The following GABRG3 variants were observed in gnomAD, a reference collection of about 807,000 sequenced individuals.
GABRG3 encodes the protein gamma-aminobutyric acid type A receptor subunit gamma3, also known as gamma-aminobutyric acid receptor subunit gamma-3.
Under a neutral mutation model 48.8 loss-of-function variants are expected in GABRG3, and 25 were observed. That is an observed-to-expected ratio of 0.51 (90% CI 0.37 to 0.72). The LOEUF is 0.72. Ranked by LOEUF, GABRG3 falls within the 30% of genes least tolerant of loss-of-function variation. The pLI is 0.00. For synonymous variants in GABRG3, 227 were observed against 217.6 expected (o/e 1.04, Z -0.38); for missense variants, 394 against 577.9 (o/e 0.68, Z 3.26).
At chr15:27,487,023 T>G (rs1340901422) in intron 6 of GABRG3, among the ~76,000 whole-genome samples, 1 of 152,220 alleles carries the variant, frequency 6.6e-6, no homozygotes, top group East Asian at 1.9e-4. Flanking sequence ...GTCATATTTT[T>G]CTGAATGCAA....
intron 5 of GABRG3, among the ~76,000 whole-genome samples, chr15:27,389,259 G>C (rs72705710): frequency 0.046 from 7,023 of 152,286 alleles, 265 homozygotes; most frequent in East Asian, 0.17. Context: ...TAAACTATGA[G>C]ATTAGCAGAA....
At position 27,199,651 on chromosome 15, in the gene GABRG3, G is replaced by A. The variant is rs142561629; in HGVS notation, c.271-127158G>A. On this transcript the variant is annotated intron_variant, in intron 3 of 9. Transcript: ENST00000615808. ...CTCTTGCTCCCTCTCGCCAGCTGAT[G>A]TGCCTGCTCCCCCTTCCTTTCCACC... is the stretch of plus-strand genomic sequence containing the variant. Among the ~76,000 whole-genome samples the A allele has an allele frequency of 2.3e-3, 354 of 152,204 alleles. 1 individual carries two copies. The highest frequency in any genetic ancestry group is 7.8e-3 in the African/African-American group (324 of 41,526).
At chr15:27,350,388 C>T in intron 5 of GABRG3, 1 of 314,674 alleles carries the variant, frequency 3.2e-6, no homozygotes, top group Non-Finnish European at 6.4e-6. Flanking sequence ...ATTAAAAGTT[C>T]AAAATCAACT....
chr15:27,088,736 G>A (rs937012412), intron 3 of GABRG3, among the ~76,000 whole-genome samples: 1 of 152,128 alleles, frequency 6.6e-6, no homozygotes, highest in African/African-American at 2.4e-5. Flanking sequence ...GCAGCATGGG[G>A]GAAACCGTCC....
At chr15:27,170,008 G>A (rs996845085) in intron 3 of GABRG3, among the ~76,000 whole-genome samples, 1 of 152,280 alleles carries the variant, frequency 6.6e-6, no homozygotes, top group Admixed American at 6.5e-5. Flanking sequence ...GTCAGATAAA[G>A]CTATTTTATG....
intron 3 of GABRG3, among the ~76,000 whole-genome samples, chr15:27,167,668 T>C (rs7165014): frequency 0.027 from 4,043 of 152,264 alleles, 210 homozygotes; most frequent in African/African-American, 0.094. Context: ...AAACAGCTGC[T>C]CCTCCTCTGA....
In GABRG3 at chr15:26,974,509, G is replaced by T. The variant is rs77939757; in HGVS notation, c.54-2493G>T. Among the ~76,000 whole-genome samples the T allele has an allele frequency of 1.3e-5, 2 of 152,030 alleles. No individual in the cohort carries two copies. Among genetic ancestry groups the T allele is most frequent in the African/African-American group, 4.8e-5 (2 of 41,404 alleles). ...GCTCTGTAGTGGTGGGGGTAGGAGA[G>T]GGGAGGAGAACGGGAGGGGAGGGGA... is the stretch of plus-strand genomic sequence containing the variant. On this transcript the variant is annotated intron_variant, in intron 1 of 9. Transcript: ENST00000615808. The surrounding 1 kb of genome is among the most constrained non-coding windows in gnomAD (Gnocchi z 4.3).
chr15:27,281,045 A>C (rs1460049742), intron 3 of GABRG3, among the ~76,000 whole-genome samples: 1 of 152,140 alleles, frequency 6.6e-6, no homozygotes, highest in Non-Finnish European at 1.5e-5. Context: ...TCTTCTGGAT[A>C]GTTTGACTAT....
intron 5 of GABRG3, among the ~76,000 whole-genome samples, chr15:27,420,392 G>A (rs1241289017): frequency 6.6e-6 from 1 of 152,180 alleles, no homozygotes; most frequent in Non-Finnish European, 1.5e-5. Context: ...TGAACTTGGG[G>A]TATGAAAGAA....
chr15:27,387,294 G>A (rs1056935734), intron 5 of GABRG3, among the ~76,000 whole-genome samples: 1 of 151,164 alleles, frequency 6.6e-6, no homozygotes, highest in African/African-American at 2.4e-5. Context: ...ATTGTATTCT[G>A]GACATTTTGA....
At chr15:27,080,916 A>G (rs67535148) in intron 3 of GABRG3, among the ~76,000 whole-genome samples, 31,001 of 152,160 alleles carry the variant, frequency 0.2, 3,308 homozygotes, top group Middle Eastern at 0.26. Context: ...TAACCACCAT[A>G]GAAACCAGGC....
chr15:27,016,607 G>T lies in GABRG3; in HGVS notation c.203-10147G>T, dbSNP rs1018972079. Among the ~76,000 whole-genome samples the T allele has an allele frequency of 2.0e-5, 3 of 150,548 alleles. No homozygotes were observed. In the East Asian group the frequency reaches 5.9e-4, roughly 29 times the overall value. Reference sequence around the variant, plus strand: ...TCTCTTTATTTTTATTCTACTTATGGTTCTTTTAGCTTCTTGATTATGTAT... The same window carrying T: ...TCTCTTTATTTTTATTCTACTTATGTTTCTTTTAGCTTCTTGATTATGTAT... On this transcript the variant is annotated intron_variant, in intron 2 of 9. Transcript: ENST00000615808.
At chr15:27,096,682 T>G (rs1038185051) in intron 3 of GABRG3, among the ~76,000 whole-genome samples, 1 of 152,214 alleles carries the variant, frequency 6.6e-6, no homozygotes, top group African/African-American at 2.4e-5. Context: ...TTCCAAATAA[T>G]TAATAAATTC....
chr15:27,134,661 C>T (rs1050400672), intron 3 of GABRG3, among the ~76,000 whole-genome samples: 3 of 152,156 alleles, frequency 2.0e-5, no homozygotes, highest in Admixed American at 2.0e-4. Flanking sequence ...CCCAGGTGCA[C>T]GTTGTCATGG....
rs1298707314 is a variant in GABRG3 at position 27,532,513 on chromosome 15, A to T, written c.1123-87A>T. The T allele has an allele frequency of 2.3e-6, 3 of 1,286,398 alleles. No homozygotes were observed. The Admixed American group carries it at 6.5e-5, about 28-fold the overall frequency. 79.7% of individuals were successfully genotyped at this position (1,286,398 alleles called of 1,614,324 possible). A position where few individuals can be genotyped will look rare whatever the true frequency, so the allele number is the denominator to read the frequency against. ...CATCCTCTTTATCTATAGGAGACAG[A>T]TGTAATATGGACCTACTGCTTCATA... is the stretch of plus-strand genomic sequence containing the variant. On this transcript the variant is annotated intron_variant, in intron 9 of 9. Transcript: ENST00000615808.
intron 3 of GABRG3, among the ~76,000 whole-genome samples, chr15:27,062,984 A>T (rs1203994222): frequency 6.6e-6 from 1 of 152,236 alleles, no homozygotes; most frequent in South Asian, 2.1e-4. Context: ...AAAGAAATTC[A>T]TGTATCATGG....
intron 2 of GABRG3, among the ~76,000 whole-genome samples, chr15:26,981,607 C>A (rs948521306): frequency 2.0e-5 from 3 of 152,166 alleles, no homozygotes; most frequent in African/African-American, 7.2e-5. Flanking sequence ...TAGATTCTGA[C>A]CCAAGAGAGG....
At chr15:27,400,504 C>A (rs895589267) in intron 5 of GABRG3, among the ~76,000 whole-genome samples, 1 of 152,144 alleles carries the variant, frequency 6.6e-6, no homozygotes, top group Non-Finnish European at 1.5e-5. Context: ...GTTCCTTTCA[C>A]TTTATTACTC....
chr15:27,475,020 C>G (rs1247075735), intron 5 of GABRG3, among the ~76,000 whole-genome samples: 1 of 152,070 alleles, frequency 6.6e-6, no homozygotes, highest in South Asian at 2.1e-4. Flanking sequence ...ATCCCAGCTA[C>G]TCAGGAGGCT....
Sources: allele counts gnomAD v4.1 joint callset (sites outside exome capture counted in the v4.1 genomes callset), GRCh38; gene constraint gnomAD v4.1.1; non-coding constraint Gnocchi (gnomAD v3.1); transcripts MANE v1.5; gene names NCBI Gene and HGNC (gene_info 2026-07-23, HGNC 2026-07-21).